SETD3: variants seen among roughly 807,000 people sequenced by gnomAD.
SETD3 encodes the protein actin-histidine N-methyltransferase.
SETD3 carries 19 observed loss-of-function variants against 63.0 expected under a neutral mutation model. That is an observed-to-expected ratio of 0.30 (90% CI 0.21 to 0.44). The LOEUF (loss-of-function observed/expected upper bound fraction) is 0.44, where lower values mean the gene tolerates loss of function less well. Ranked by LOEUF, SETD3 falls within the 20% of genes least tolerant of loss-of-function variation. The probability of loss-of-function intolerance (pLI) is 1.00; values close to 1 mark genes in which losing one functional copy is unlikely to be tolerated. For synonymous variants in SETD3, 286 were observed against 264.1 expected (o/e 1.08, Z -0.80); for missense variants, 587 against 728.5 (o/e 0.81, Z 2.24).
At chr14:99,453,471 T>A (rs1436547796) in intron 6 of SETD3, among the ~76,000 whole-genome samples, 1 of 152,046 alleles carries the variant, frequency 6.6e-6, no homozygotes, top group Non-Finnish European at 1.5e-5. Context: ...GCAGTGCACC[T>A]CATTCTAGGG....
At chr14:99,447,237 C>T (rs764738791) in intron 6 of SETD3, among the ~76,000 whole-genome samples, 1 of 152,130 alleles carries the variant, frequency 6.6e-6, no homozygotes, top group African/African-American at 2.4e-5. Flanking sequence ...CCACCCAAAG[C>T]GCTGGGATTA....
At chr14:99,409,938 A>C (rs1025021875) in intron 8 of SETD3, 2 of 361,250 alleles carry the variant, frequency 5.5e-6, no homozygotes, top group Non-Finnish European at 5.0e-6. Context: ...ACCCTCCCCC[A>C]AAATCACCCT....
intron 6 of SETD3, among the ~76,000 whole-genome samples, chr14:99,417,143 AG>A (rs1892332007): frequency 6.6e-6 from 1 of 152,250 alleles, no homozygotes; most frequent in African/African-American, 2.4e-5. Flanking sequence ...TCCTTATTAA[AG>A]TTCCGTCTTG....
intron 6 of SETD3, among the ~76,000 whole-genome samples, chr14:99,419,724 G>A (rs796615489): frequency 4.7e-5 from 7 of 149,156 alleles, no homozygotes; most frequent in South Asian, 2.1e-4. Context: ...GCAGTGAGCC[G>A]AGATCCCGCC....
intron 1 of SETD3, among the ~76,000 whole-genome samples, chr14:99,469,672 G>C (rs1455999724): frequency 3.3e-5 from 5 of 152,242 alleles, no homozygotes; most frequent in Non-Finnish European, 7.3e-5. Flanking sequence ...CTTCAGCCCA[G>C]AAGGCAGAGG....
chr14:99,462,221 T>G (rs1895104778), intron 3 of SETD3, among the ~76,000 whole-genome samples: 1 of 152,218 alleles, frequency 6.6e-6, no homozygotes. Context: ...TCAGCTGGGG[T>G]AGCAGATTCT....
chr14:99,453,049 C>T (rs181446696), intron 6 of SETD3, among the ~76,000 whole-genome samples: 1 of 151,728 alleles, frequency 6.6e-6, no homozygotes, highest in South Asian at 2.1e-4. Context: ...GCCTCAATGC[C>T]GAAAACAAAA....
rs1231267543 is a variant in SETD3, at chr14:99,398,081, A to T, written c.*598T>A. The T allele has an allele frequency of 4.6e-5, 7 of 152,596 alleles. No individual in the cohort carries two copies. The East Asian group carries it at 5.8e-4, about 13-fold the overall frequency. 9.5% of individuals were successfully genotyped at this position (152,596 alleles called of 1,614,324 possible). On this transcript the variant is annotated 3_prime_UTR_variant, in exon 13 of 13. Coordinates refer to ENST00000331768, the MANE Select transcript of SETD3 (RefSeq NM_032233.3). The stretch of plus-strand genomic sequence containing the variant: ...TATATATATGTGTGTTTATATATAT[A>T]TTTTTATATAATTAGGATTATCATC...
At chr14:99,483,047 A>C (rs1835597366), upstream of SETD3, among the ~76,000 whole-genome samples, 1 of 152,248 alleles carries the variant, frequency 6.6e-6, no homozygotes, top group Non-Finnish European at 1.5e-5. Context: ...CGTTATTCTT[A>C]GATTTTGAAA....
intron 6 of SETD3, among the ~76,000 whole-genome samples, chr14:99,415,057 G>A (rs1007423600): frequency 3.3e-5 from 5 of 152,298 alleles, no homozygotes; most frequent in African/African-American, 1.2e-4. Context: ...TGCTCAGTGC[G>A]CAATTTTAGG....
chr14:99,408,318 T>C (rs1309756026), intron 8 of SETD3, among the ~76,000 whole-genome samples: 2 of 152,224 alleles, frequency 1.3e-5, no homozygotes, highest in African/African-American at 4.8e-5. Flanking sequence ...CTAGAACATT[T>C]CACTCGCAGA....
intron 6 of SETD3, among the ~76,000 whole-genome samples, chr14:99,436,758 C>T (rs888602090): frequency 2.6e-5 from 4 of 152,178 alleles, no homozygotes; most frequent in Admixed American, 6.5e-5. Flanking sequence ...TTGCAAACAA[C>T]ACAGTCACTA....
chr14:99,463,444 C>T, intron 3 of SETD3, 42 bp downstream of exon 3: 6 of 1,498,118 alleles, frequency 4.0e-6, no homozygotes, highest in Non-Finnish European at 5.5e-6. Context: ...CAAGTTTCTA[C>T]ATGACATTAT....
Position 99,398,587 on chromosome 14 carries a change from A to C in SETD3, c.*92T>G. On this transcript the variant is annotated 3_prime_UTR_variant, in exon 13 of 13. Transcript: ENST00000331768. The stretch of plus-strand genomic sequence containing the variant: ...CAAAAACATATCTTCCTCTCTGCAG[A>C]AAGAAAAATGTTAACAAGGAAACAC... The C allele has an allele frequency of 8.0e-7, 1 of 1,251,834 alleles. No homozygotes were observed. The highest frequency in any genetic ancestry group is 1.1e-6 in the Non-Finnish European group (1 of 897,792). 77.5% of individuals were successfully genotyped at this position (1,251,834 alleles called of 1,614,324 possible).
At chr14:99,480,023 C>T (rs1173607437) in intron 1 of SETD3, among the ~76,000 whole-genome samples, 1 of 152,138 alleles carries the variant, frequency 6.6e-6, no homozygotes, top group Non-Finnish European at 1.5e-5. Context: ...GCCGGAATGA[C>T]AAACTCTAAA....
At chr14:99,401,086 C>G (rs1891364308) in intron 11 of SETD3, among the ~76,000 whole-genome samples, 1 of 151,048 alleles carries the variant, frequency 6.6e-6, no homozygotes, top group Non-Finnish European at 1.5e-5. Context: ...CTGCAGTGAG[C>G]TGTGATCGCA....
chr14:99,451,518 C>G (rs1239926638), intron 6 of SETD3, among the ~76,000 whole-genome samples: 1 of 151,928 alleles, frequency 6.6e-6, no homozygotes, highest in African/African-American at 2.4e-5. Flanking sequence ...TTTTTTGAGA[C>G]AGGGTATCGC....
At chr14:99,442,374 G>A (rs568606098) in intron 6 of SETD3, among the ~76,000 whole-genome samples, 13 of 152,214 alleles carry the variant, frequency 8.5e-5, no homozygotes, top group Non-Finnish European at 1.6e-4. Flanking sequence ...AGATGAGAAT[G>A]AAGGAAAGTC....
chr14:99,407,816 T>G (rs1891768089), intron 8 of SETD3, among the ~76,000 whole-genome samples: 1 of 152,142 alleles, frequency 6.6e-6, no homozygotes, highest in African/African-American at 2.4e-5. Flanking sequence ...TCGGTCACAC[T>G]TGGAAGCTGG....
Sources: gnomAD v4.1 joint callset for allele counts (sites outside exome capture counted in the v4.1 genomes callset) on GRCh38, gnomAD v4.1.1 for gene constraint, MANE v1.5 for transcripts, NCBI Gene and HGNC (gene_info 2026-07-23, HGNC 2026-07-21) for gene names.